Variants in PKM observed in about 807,000 individuals in gnomAD.
The protein encoded by PKM is pyruvate kinase M1/2.
A neutral mutation model predicts 49.8 loss-of-function variants in PKM; 18 were observed. The ratio of observed to expected loss-of-function variants is 0.36; its 90% CI spans 0.25 to 0.54. The LOEUF (loss-of-function observed/expected upper bound fraction) is 0.54. Ranked by LOEUF, PKM falls within the 20% of genes least tolerant of loss-of-function variation. The pLI is 0.89. For synonymous variants in PKM, 239 were observed against 261.8 expected (o/e 0.91, Z 0.84); for missense variants, 508 against 713.8 (o/e 0.71, Z 3.28).
intron 8 of PKM, among the ~76,000 whole-genome samples, chr15:72,204,832 T>C (rs2082031190): frequency 6.6e-6 from 1 of 152,236 alleles, no homozygotes; most frequent in Non-Finnish European, 1.5e-5. Flanking sequence ...TCAGCCTCTG[T>C]TCCTCCTTTG....
intron 1 of PKM, among the ~76,000 whole-genome samples, chr15:72,223,022 T>TC (rs2082566460): frequency 6.7e-6 from 1 of 149,252 alleles, no homozygotes; most frequent in Admixed American, 6.7e-5. Context: ...TTTTTTTTTT[T>TC]CTTTTTTTTT....
intron 3 of PKM, among the ~76,000 whole-genome samples, chr15:72,214,695 T>G (rs559296209): frequency 6.6e-6 from 1 of 152,174 alleles, no homozygotes; most frequent in Admixed American, 6.5e-5. Flanking sequence ...CTTAGGAGGC[T>G]GAGGCAGAAG....
intron 3 of PKM, among the ~76,000 whole-genome samples, chr15:72,212,046 G>GT (rs2082267018): frequency 6.6e-6 from 1 of 152,130 alleles, no homozygotes; most frequent in African/African-American, 2.4e-5. Context: ...CCTGAAACCT[G>GT]TGTCTAAAAA....
At chr15:72,230,340 T>TCCGC (rs1352717156) in intron 1 of PKM, among the ~76,000 whole-genome samples, 10 of 152,122 alleles carry the variant, frequency 6.6e-5, no homozygotes, top group South Asian at 4.1e-4. Flanking sequence ...AGCCCAGCCC[T>TCCGC]CCGCCCGCCC....
At chr15:72,218,210 C>T (rs1479266033) in intron 2 of PKM, among the ~76,000 whole-genome samples, 1 of 151,770 alleles carries the variant, frequency 6.6e-6, no homozygotes, top group African/African-American at 2.4e-5. Context: ...CTGCAACCTC[C>T]GCCTCCCAGG....
At chr15:72,203,477 C>A in intron 8 of PKM, 1 of 447,644 alleles carries the variant, frequency 2.2e-6, no homozygotes, top group Middle Eastern at 6.5e-4. Flanking sequence ...GCTCTAGCAC[C>A]CTGGCATGAA....
chr15:72,229,782 G>C (rs538741144), intron 1 of PKM: 182 of 905,962 alleles, frequency 2.0e-4, no homozygotes, highest in Middle Eastern at 1.7e-3. Context: ...AACAGCCCTT[G>C]ACCCACACCG....
chr15:72,208,943 C>G (rs2082160189), intron 5 of PKM, 52 bp from the exon 6 acceptor site: 31 of 1,573,248 alleles, frequency 2.0e-5, no homozygotes, highest in Non-Finnish European at 2.5e-5. Flanking sequence ...CACAGGTCAA[C>G]AGGAAGCAGG....
Position 72,200,687 on chromosome 15 carries a change from C to T in PKM, c.1308-32G>A. 1 of 1,587,586 alleles carries T rather than the reference C, an allele frequency of 6.3e-7. No individual in the cohort carries two copies. The highest frequency in any genetic ancestry group is 8.6e-7 in the Non-Finnish European group (1 of 1,160,184). On this transcript the variant is annotated intron_variant, in intron 9 of 10. Transcript: ENST00000335181. The surrounding 1 kb of genome is among the most constrained non-coding windows in gnomAD (Gnocchi z 4.6). ...TGGGATGGGGGACATACAGAAGAGA[C>T]CATTACACGAGGCCCCAGGAAGTAC...
At chr15:72,208,943 C>T in intron 5 of PKM, 52 bp from the exon 6 acceptor site, 2 of 1,573,248 alleles carry the variant, frequency 1.3e-6, no homozygotes, top group Non-Finnish European at 1.7e-6. Context: ...CACAGGTCAA[C>T]AGGAAGCAGG....
intron 1 of PKM, chr15:72,228,757 C>T: frequency 4.0e-6 from 2 of 503,418 alleles, no homozygotes; most frequent in Non-Finnish European, 6.8e-6. Flanking sequence ...AACAACGCTG[C>T]AGCAGGGGAG....
chr15:72,203,266 A>C lies in PKM; in HGVS notation c.1141-646T>G. 5.5e-6 allele frequency: 7 copies of C among 1,261,744 alleles called. No homozygotes were observed. The South Asian group carries it at 8.4e-5, about 15-fold the overall frequency. The allele number at this position is 1,261,744 out of a possible 1,614,324, so 78.2% of individuals were successfully genotyped here. On this transcript the variant is annotated intron_variant, in intron 8 of 10. Coordinates refer to ENST00000335181, the MANE Select transcript of PKM (RefSeq NM_002654.6). Reference sequence around the variant, plus strand: ...AACGAGACACAACACATGGGAAGACAGAATGGGGAATTTATCAGAGAGGAA... The same window carrying C: ...AACGAGACACAACACATGGGAAGACCGAATGGGGAATTTATCAGAGAGGAA...
chr15:72,220,515 A>G (rs192156256), intron 1 of PKM, among the ~76,000 whole-genome samples: 1 of 152,340 alleles, frequency 6.6e-6, no homozygotes, highest in East Asian at 1.9e-4. Context: ...TGATGGCCAC[A>G]AGTCCTCAAC....
intron 8 of PKM, among the ~76,000 whole-genome samples, chr15:72,205,624 G>GTTTT (rs140232218): frequency 3.0e-5 from 3 of 99,700 alleles, no homozygotes; most frequent in Non-Finnish European, 4.1e-5. Flanking sequence ...GGGTGTTTTA[G>GTTTT]TTTTTTTTTT....
At chr15:72,228,473 G>A (rs144665206) in intron 1 of PKM, 157 of 393,842 alleles carry the variant, frequency 4.0e-4, no homozygotes, top group Non-Finnish European at 6.8e-4. Context: ...CGTAGTTGAG[G>A]CATTTTTAAT....
At chr15:72,204,858 A>C (rs560318152) in intron 8 of PKM, among the ~76,000 whole-genome samples, 1 of 152,318 alleles carries the variant, frequency 6.6e-6, no homozygotes, top group Admixed American at 6.5e-5. Context: ...ATGAAGTCAC[A>C]CGATTAAGTA....
In PKM at chr15:72,202,960, C is replaced by T. The variant is rs989320830; in HGVS notation, c.1141-340G>A. The T allele has an allele frequency of 1.3e-6, 2 of 1,544,690 alleles. No homozygotes were observed. Among genetic ancestry groups the T allele is most frequent in the African/African-American group, 2.7e-5 (2 of 73,678 alleles). ...CCAGGTTGGGCCTGGCTGTCTTCTC[C>T]TAGAGCAGGTGGAGCAAGAGGCTGG... On this transcript the variant is annotated intron_variant, in intron 8 of 10. Coordinates refer to ENST00000335181, the MANE Select transcript of PKM (RefSeq NM_002654.6). This position sits in a 1 kb window ranked among gnomAD's most constrained non-coding sequence, Gnocchi z 4.5.
At chr15:72,221,818 TAA>T (rs797002845) in intron 1 of PKM, among the ~76,000 whole-genome samples, 3 of 126,884 alleles carry the variant, frequency 2.4e-5, no homozygotes, top group Non-Finnish European at 3.3e-5. Context: ...GGGTTGTGAT[TAA>T]AAAAAAAAAA....
chr15:72,223,353 T>A (rs750281441), intron 1 of PKM, among the ~76,000 whole-genome samples: 1 of 152,162 alleles, frequency 6.6e-6, no homozygotes, highest in African/African-American at 2.4e-5. Flanking sequence ...TATGCTCCGA[T>A]ACCAACCTCA....
Sources: allele counts gnomAD v4.1 joint callset (sites outside exome capture counted in the v4.1 genomes callset), GRCh38; gene constraint gnomAD v4.1.1; non-coding constraint Gnocchi (gnomAD v3.1); transcripts MANE v1.5; gene names NCBI Gene and HGNC (gene_info 2026-07-23, HGNC 2026-07-21).